Variants in CIP2A observed in about 807,000 individuals in gnomAD.
The protein encoded by CIP2A is cellular inhibitor of PP2A.
In CIP2A, 103 loss-of-function variants were observed where a neutral mutation model predicts 110.9. The observed-to-expected ratio is 0.93, with a 90% CI of 0.79 to 1.09. CIP2A has a LOEUF of 1.09. Ranked by LOEUF, CIP2A falls within the 50% of genes least tolerant of loss-of-function variation. The probability of loss-of-function intolerance (pLI) is 0.00; values close to 1 mark genes in which losing one functional copy is unlikely to be tolerated. For synonymous variants in CIP2A, 381 were observed against 361.6 expected, an observed-to-expected ratio of 1.05 and a Z score of -0.61; for missense variants, 1,088 against 1,038.4, an observed-to-expected ratio of 1.05 and a Z score of -0.66.
intron 2 of CIP2A, among the ~76,000 whole-genome samples, chr3:108,583,492 A>G (rs1000683734): frequency 6.6e-6 from 1 of 152,240 alleles, no homozygotes; most frequent in African/African-American, 2.4e-5. Flanking sequence ...AGCCAGACAC[A>G]GAAAGAAAAA....
Position 108,569,509 on chromosome 3 carries a change from C to A in CIP2A, c.993G>T (p.Leu331=). The change falls in exon 9 of 21, where the codon CTG becomes CTT. Residue 331 remains leucine (L), a synonymous_variant. Transcript: ENST00000295746. ...FEQSPPGSAT[L]GSHTKCLEPT... is the part of the protein sequence containing the mutation. ...GTTCTAAACATTTAGTATGGCTTCC[C>A]AGAGTGGCGCTGCCAGGTGGAGACT... The A allele has an allele frequency of 6.2e-7, 1 of 1,612,754 alleles. No homozygotes were observed. The highest frequency in any genetic ancestry group is 1.1e-5 in the South Asian group (1 of 91,050).
intron 3 of CIP2A, 87 bp from the exon 4 acceptor site, chr3:108,582,289 G>A (rs1559703379): frequency 3.8e-6 from 2 of 521,474 alleles, no homozygotes; most frequent in Non-Finnish European, 6.7e-6. Flanking sequence ...TTCTGAGCAT[G>A]TCCTTTTCCA....
intron 16 of CIP2A, among the ~76,000 whole-genome samples, chr3:108,558,451 T>C (rs930788241): frequency 6.6e-6 from 1 of 152,164 alleles, no homozygotes; most frequent in Non-Finnish European, 1.5e-5. Context: ...GTAAGTTCAC[T>C]CTTAAGGTAT....
At chr3:108,569,167 A>AATATATATATATATATATATATATAT (rs1559695577) in intron 9 of CIP2A, among the ~76,000 whole-genome samples, 1 of 1,120 alleles carries the variant, frequency 8.9e-4, no homozygotes, top group Non-Finnish European at 3.9e-3. Flanking sequence ...TGAAATGAGC[A>AATATATATATATATATATATATATAT]CTATATATAT....
At chr3:108,575,619 T>TGG (rs1938580811) in intron 8 of CIP2A, among the ~76,000 whole-genome samples, 1 of 143,610 alleles carries the variant, frequency 7.0e-6, no homozygotes, top group East Asian at 2.0e-4. Flanking sequence ...CATATACATG[T>TGG]GTATATATAC....
intron 7 of CIP2A, among the ~76,000 whole-genome samples, chr3:108,577,869 A>T (rs989640025): frequency 6.6e-6 from 1 of 152,200 alleles, no homozygotes; most frequent in Non-Finnish European, 1.5e-5. Context: ...ACTGCACTCC[A>T]GCCTGGGCAA....
intron 7 of CIP2A, among the ~76,000 whole-genome samples, chr3:108,577,272 T>C (rs1488581945): frequency 1.3e-5 from 2 of 152,134 alleles, no homozygotes; most frequent in African/African-American, 4.8e-5. Flanking sequence ...CAATGGTAGG[T>C]CAAAGATTTT....
At chr3:108,559,561 T>C (rs747848435) in intron 16 of CIP2A, among the ~76,000 whole-genome samples, 196 bp downstream of exon 16, 2 of 151,682 alleles carry the variant, frequency 1.3e-5, no homozygotes, top group Non-Finnish European at 2.9e-5. Flanking sequence ...AGGAAAATAA[T>C]ACAAGGTAGC....
At chr3:108,560,900 C>T in intron 13 of CIP2A, 59 bp from the exon 14 acceptor site, 1 of 1,224,018 alleles carries the variant, frequency 8.2e-7, no homozygotes, top group Admixed American at 2.6e-5. Flanking sequence ...AAAAGGCAGA[C>T]TTAGTGCAGA....
Position 108,551,093 on chromosome 3 carries a change from ATAGATAAATACATC to A in CIP2A, c.*42_*55del. The A allele has an allele frequency of 2.0e-6, 1 of 512,056 alleles. No individual in the cohort carries two copies. The highest frequency in any genetic ancestry group is 3.1e-6 in the Non-Finnish European group (1 of 325,704). 31.7% of individuals were successfully genotyped at this position (512,056 alleles called of 1,614,324 possible). Reference sequence around the variant, plus strand: ...AACTCCCCTACCCACCCCCCCTCCAATAGATAAATACATCAAAAATATCATGAGATTACAAATTC... The same window carrying A: ...AACTCCCCTACCCACCCCCCCTCCAAAAAAATATCATGAGATTACAAATTC... On this transcript the variant is annotated 3_prime_UTR_variant, in exon 21 of 21. Transcript: ENST00000295746.
Position 108,568,173 on chromosome 3 carries a change from C to T in CIP2A, c.1255G>A (p.Ala419Thr). 1 of 1,611,720 alleles carries T rather than the reference C, an allele frequency of 6.2e-7. No homozygotes were observed. Among genetic ancestry groups the T allele is most frequent in the Non-Finnish European group, 8.5e-7 (1 of 1,178,446 alleles). The change falls in exon 10 of 21, where the codon GCC becomes ACC. Residue 419 changes from alanine to threonine, a missense_variant. Coordinates refer to ENST00000295746, the MANE Select transcript of CIP2A (RefSeq NM_020890.3). ...TRKKCERIAK[A>T]IEVLLTLCGD... ...AGGATATTTAACAAAACTTCAATGG[C>T]CTTGGCAATCCTTTCACATTTTTTT...
intron 14 of CIP2A, 78 bp downstream of exon 14, chr3:108,560,569 CAG>C: frequency 1.3e-6 from 1 of 757,048 alleles, no homozygotes; most frequent in Non-Finnish European, 2.1e-6. Context: ...CTGTACCTGA[CAG>C]TGTTTAGATA....
intron 11 of CIP2A, among the ~76,000 whole-genome samples, chr3:108,566,136 T>C (rs945018143): frequency 1.3e-5 from 2 of 151,776 alleles, no homozygotes; most frequent in African/African-American, 4.8e-5. Flanking sequence ...ACTGATTTCC[T>C]TGTAATAAAA....
At chr3:108,580,310 G>A (rs1445300227) in intron 5 of CIP2A, among the ~76,000 whole-genome samples, 2 of 152,182 alleles carry the variant, frequency 1.3e-5, no homozygotes, top group South Asian at 2.1e-4. Context: ...CAGTCATATA[G>A]ATAGCCACAA....
At position 108,550,944 on chromosome 3, in the gene CIP2A, A is replaced by G. The variant is rs1361854666; in HGVS notation, c.*205T>C. On this transcript the variant is annotated 3_prime_UTR_variant, in exon 21 of 21. Coordinates refer to ENST00000295746, the MANE Select transcript of CIP2A (RefSeq NM_020890.3). ...AAGAAAACCTTAAGCCATAAAAGCC[A>G]GAAACAAAAAGTAAAACTTAGAAAA... 1 of 325,894 alleles carries G rather than the reference A, an allele frequency of 3.1e-6. No homozygotes were observed. Among genetic ancestry groups the G allele is most frequent in the African/African-American group, 2.1e-5 (1 of 46,800 alleles). The allele number at this position is 325,894 out of a possible 1,614,324, so 20.2% of individuals were successfully genotyped here.
At position 108,560,008 on chromosome 3, in the gene CIP2A, A is replaced by G; in HGVS notation, c.1848T>C (p.Asp616=). 6.3e-7 allele frequency: 1 copy of G among 1,596,440 alleles called. No individual in the cohort carries two copies. Residue 616 remains aspartate, a synonymous_variant, in exon 15 of 21, where the codon GAT becomes GAC. Coordinates refer to ENST00000295746, the MANE Select transcript of CIP2A (RefSeq NM_020890.3). ...CATCCATTATGTCAGATATTCTCAC[A>G]TCACAAATCTGATCCTTTACCTACA... ...SGMVVKDQIC[D]VRISDIMDVY... is the part of the protein sequence containing the mutation.
Position 108,576,347 on chromosome 3 carries a change from C to G in CIP2A, c.819-1G>C, listed in dbSNP as rs878918220. On this transcript the variant is annotated splice_acceptor_variant, in intron 7 of 20. Transcript: ENST00000295746. LOFTEE classifies it high-confidence loss of function. The stretch of plus-strand genomic sequence containing the variant: ...AAGACATGAAGAAAAGTGCTCATAT[C>G]TAGGTTTAGAATAAAAATATACATC... 1 of 1,492,506 alleles carries G rather than the reference C, an allele frequency of 6.7e-7. No homozygotes were observed. Among genetic ancestry groups the G allele is most frequent in the Non-Finnish European group, 9.1e-7 (1 of 1,096,742 alleles). The allele number at this position is 1,492,506 out of a possible 1,614,324, so 92.5% of individuals were successfully genotyped here. A position where few individuals can be genotyped will look rare whatever the true frequency, so the allele number is the denominator to read the frequency against.
intron 3 of CIP2A, among the ~76,000 whole-genome samples, chr3:108,582,564 TAG>T (rs1300652888): frequency 6.6e-6 from 1 of 152,236 alleles, no homozygotes; most frequent in Admixed American, 6.5e-5. Context: ...GATGACATTT[TAG>T]AGTCAATGAA....
intron 9 of CIP2A, 150 bp from the exon 10 acceptor site, chr3:108,568,464 T>G: frequency 7.4e-6 from 4 of 538,340 alleles, no homozygotes; most frequent in Non-Finnish European, 9.1e-6. Flanking sequence ...ATTTAAATTT[T>G]TATTTAAAAT....
Sources: allele counts gnomAD v4.1 joint callset (sites outside exome capture counted in the v4.1 genomes callset), GRCh38; gene constraint gnomAD v4.1.1; transcripts MANE v1.5; gene names NCBI Gene and HGNC (gene_info 2026-07-23, HGNC 2026-07-21).